Variants in ZNF765 observed in about 807,000 individuals in gnomAD.
ZNF765 encodes zinc finger protein 765.
A neutral mutation model predicts 44.7 loss-of-function variants in ZNF765; 37 were observed. That is an observed-to-expected ratio of 0.83 (90% CI 0.64 to 1.09). The LOEUF is 1.09. Ranked by LOEUF, ZNF765 falls within the 50% of genes least tolerant of loss-of-function variation. ZNF765 has a pLI of 0.00. For missense variants in ZNF765, 594 were observed against 626.1 expected, an observed-to-expected ratio of 0.95 and a Z score of 0.55; for synonymous variants, 201 against 213.7, an observed-to-expected ratio of 0.94 and a Z score of 0.52.
intron 3 of ZNF765, among the ~76,000 whole-genome samples, chr19:53,405,316 C>T (rs906264665): frequency 1.3e-5 from 2 of 152,164 alleles, no homozygotes; most frequent in African/African-American, 2.4e-5. Context: ...TGCCCCACTA[C>T]ACTCCAGTCC....
intron 3 of ZNF765, among the ~76,000 whole-genome samples, chr19:53,417,231 T>C (rs76723987): frequency 0.013 from 1,968 of 152,272 alleles, 53 homozygotes; most frequent in African/African-American, 0.045. Flanking sequence ...ATCACCAGGA[T>C]ATAAATTCTA....
intron 2 of ZNF765, among the ~76,000 whole-genome samples, chr19:53,400,395 T>C (rs566774442): frequency 6.6e-5 from 10 of 152,194 alleles, no homozygotes; most frequent in South Asian, 4.1e-4. Context: ...ACTACAGATA[T>C]CTCACGATTC....
Position 53,408,111 on chromosome 19 carries a change from A to G in ZNF765, c.556A>G (p.Thr186Ala). Residue 186 changes from threonine to alanine, a missense_variant, in exon 4 of 4, where the codon ACC (threonine) becomes GCC (alanine). Thr to Ala is a moderately conservative substitution (Grantham distance 58). This residue lies in a region of ZNF765 where 567 missense variants were observed against 572.6 expected (regional missense o/e 0.99). Transcript: ENST00000396408. ...TAQRISCRPE[T>A]HISNDYGNNF... ...CCAAAGAATTTCTTGTAGGCCTGAAACCCATATTTCTAATGACTATGGGAA... is the reference window on the plus strand; with the variant it reads ...CCAAAGAATTTCTTGTAGGCCTGAAGCCCATATTTCTAATGACTATGGGAA... The G allele has an allele frequency of 6.2e-7, 1 of 1,614,016 alleles. No individual in the cohort carries two copies. The highest frequency in any genetic ancestry group is 1.1e-5 in the South Asian group (1 of 91,078).
At chr19:53,402,611 G>T (rs978547704) in intron 3 of ZNF765, among the ~76,000 whole-genome samples, 2 of 152,090 alleles carry the variant, frequency 1.3e-5, no homozygotes, top group African/African-American at 4.8e-5. Context: ...AGCCCGGGTG[G>T]AGTACAATGG....
At chr19:53,416,647 G>GT (rs989658483), downstream of ZNF765, among the ~76,000 whole-genome samples, 1 of 151,604 alleles carries the variant, frequency 6.6e-6, no homozygotes, top group East Asian at 1.9e-4. Context: ...TTGATAAACT[G>GT]TATTTGTAAT....
chr19:53,426,540 G>C (rs2085940596), exon 4 of ZNF765: 1 of 152,420 alleles, frequency 6.6e-6, no homozygotes, highest in South Asian at 2.1e-4. Flanking sequence ...GCTGCAGACC[G>C]GTCCCCATGG....
rs1461882293 is a variant in ZNF765, at chr19:53,411,789, TAA to T, written c.*2663_*2664del. ...GTTTATTTCTAAGTATTTCTTACTT[TAA>T]GTTCTCCAGCCAATGGAAGTGTTTT... On this transcript the variant is annotated 3_prime_UTR_variant, in exon 4 of 4. Transcript: ENST00000396408. 6.6e-6 allele frequency: 1 copy of T among 152,294 alleles called. No homozygotes were observed. The highest frequency in any genetic ancestry group is 1.9e-4 in the East Asian group (1 of 5,206). 9.4% of individuals were successfully genotyped at this position (152,294 alleles called of 1,614,324 possible).
At chr19:53,398,299 C>T (rs2085690481) in intron 2 of ZNF765, among the ~76,000 whole-genome samples, 1 of 152,146 alleles carries the variant, frequency 6.6e-6, no homozygotes, top group Admixed American at 6.6e-5. Flanking sequence ...CCCATGGTGT[C>T]AGTGCTGTTG....
intron 1 of ZNF765, 56 bp downstream of exon 1, chr19:53,395,249 T>A (rs1568771332): frequency 1.3e-5 from 2 of 152,286 alleles, no homozygotes; most frequent in African/African-American, 2.4e-5. Flanking sequence ...CTGGCGCTTC[T>A]GTACCTGGGG....
intron 3 of ZNF765, among the ~76,000 whole-genome samples, chr19:53,418,825 A>C (rs2085890325): frequency 6.6e-6 from 1 of 150,620 alleles, no homozygotes. Context: ...GAATCGCTAG[A>C]ACCTGGGGGG....
chr19:53,414,254 A>AAAAAAAC (rs2085856023), downstream of ZNF765, among the ~76,000 whole-genome samples: 2 of 147,154 alleles, frequency 1.4e-5, 1 homozygote, highest in Non-Finnish European at 3.0e-5. Context: ...AAAAAAAAAA[A>AAAAAAAC]GAAACTTGCA....
chr19:53,420,322 A>G (rs982635708), intron 3 of ZNF765, among the ~76,000 whole-genome samples: 1 of 152,192 alleles, frequency 6.6e-6, no homozygotes, highest in Non-Finnish European at 1.5e-5. Context: ...CAGAGCAAGT[A>G]TCCATCTCAA....
chr19:53,405,730 T>C (rs1029628320), intron 3 of ZNF765, among the ~76,000 whole-genome samples: 1 of 151,142 alleles, frequency 6.6e-6, no homozygotes, highest in African/African-American at 2.4e-5. Flanking sequence ...ACTCTGAACA[T>C]GGCTTTTGGC....
At chr19:53,402,296 G>T (rs1307816926) in intron 3 of ZNF765, 105 bp downstream of exon 3, 6 of 1,489,392 alleles carry the variant, frequency 4.0e-6, no homozygotes, top group South Asian at 2.6e-5. Flanking sequence ...TCGCTCTGTC[G>T]CCCAGGCTGG....
rs10675178 is a variant in ZNF765 at position 53,405,903 on chromosome 19, C to CTATATATATATATA, written c.143-1760_143-1747dup. ...TAGTGAACTAGATAATTAATACCAA[C>CTATATATATATATA]TATATATATATATATATATATATAT... On this transcript the variant is annotated intron_variant, in intron 3 of 3. Coordinates refer to ENST00000396408, the MANE Select transcript of ZNF765 (RefSeq NM_001040185.3). Among the ~76,000 whole-genome samples the CTATATATATATATA allele has an allele frequency of 8.1e-4, 40 of 49,144 alleles. 2 individuals are homozygous for CTATATATATATATA. The highest frequency in any genetic ancestry group is 1.2e-3 in the Admixed American group (4 of 3,456). The allele number at this position is 49,144 out of a possible 152,430, so 32.2% of individuals were successfully genotyped here.
At position 53,410,251 on chromosome 19, in the gene ZNF765, C is replaced by T. The variant is rs942016088; in HGVS notation, c.*1124C>T. 1.7e-5 allele frequency: 6 copies of T among 360,438 alleles called. No individual in the cohort carries two copies. The highest frequency in any genetic ancestry group is 1.1e-4 in the African/African-American group (5 of 46,548). The allele number at this position is 360,438 out of a possible 1,614,324, so 22.3% of individuals were successfully genotyped here. On this transcript the variant is annotated 3_prime_UTR_variant, in exon 4 of 4. Transcript: ENST00000396408. ...TCATAGAATTCATACTGGAGATAAACGTTACAAATGTGAAGCATGTGACAA... is the reference window on the plus strand; with the variant it reads ...TCATAGAATTCATACTGGAGATAAATGTTACAAATGTGAAGCATGTGACAA...
Position 53,417,100 on chromosome 19 carries a change from G to T in ZNF765, c.143-5962G>T, listed in dbSNP as rs1000472790. Among the ~76,000 whole-genome samples, 3 of 152,166 alleles carry T rather than the reference G, an allele frequency of 2.0e-5. No homozygotes were observed. The South Asian group carries it at 6.2e-4, about 31-fold the overall frequency. On this transcript the variant is annotated intron_variant, in intron 3 of 3. Coordinates refer to the ZNF765 transcript ENST00000594030. ...CCCAAAGTGCTAGGATTACAGACGT[G>T]AGCCACTATGCCCGACCAGGTTTCT... is the stretch of plus-strand genomic sequence containing the variant.
rs1169615183 is a variant in ZNF765 at position 53,408,218 on chromosome 19, C to T, written c.663C>T (p.Gly221=). 1 of 1,614,064 alleles carries T rather than the reference C, an allele frequency of 6.2e-7. No homozygotes were observed. Among genetic ancestry groups the T allele is most frequent in the African/African-American group, 1.3e-5 (1 of 74,922 alleles). ...REKSFQCNDS[G]KAYNCSSLLR... ...AATCTTTCCAATGCAATGACAGTGG[C>T]AAAGCCTATAATTGTAGCTCACTCT... The change falls in exon 4 of 4, where the codon GGC becomes GGT. Residue 221 remains glycine, a synonymous_variant. Transcript: ENST00000396408.
At chr19:53,398,445 T>TA (rs1398983275) in intron 2 of ZNF765, among the ~76,000 whole-genome samples, 5 of 152,192 alleles carry the variant, frequency 3.3e-5, no homozygotes, top group African/African-American at 1.2e-4. Context: ...AGGTGACCAA[T>TA]ATGGAGCAAT....
Sources: allele counts gnomAD v4.1 joint callset (sites outside exome capture counted in the v4.1 genomes callset), GRCh38; gene constraint gnomAD v4.1.1; regional missense constraint gnomAD v4.1.1; transcripts MANE v1.5; gene names NCBI Gene and HGNC (gene_info 2026-07-23, HGNC 2026-07-21).